Variants in SLC9B2 observed in about 807,000 individuals in gnomAD.
The protein encoded by SLC9B2 is solute carrier family 9 member B2, also known as sodium/hydrogen exchanger 9B2.
Under a neutral mutation model 52.2 loss-of-function variants are expected in SLC9B2, and 39 were observed. The ratio of observed to expected loss-of-function variants is 0.75; its 90% CI spans 0.58 to 0.98. The LOEUF is 0.98. SLC9B2 is among the 50% of genes least tolerant of loss of function. The pLI is 0.00. For missense variants in SLC9B2, 626 were observed against 637.5 expected, an observed-to-expected ratio of 0.98 and a Z score of 0.19; for synonymous variants, 214 against 227.0, an observed-to-expected ratio of 0.94 and a Z score of 0.51.
intron 4 of SLC9B2, among the ~76,000 whole-genome samples, chr4:103,056,131 T>A (rs528587724): frequency 3.0e-4 from 45 of 151,856 alleles, no homozygotes; most frequent in African/African-American, 1.0e-3. Flanking sequence ...TGAAGAAACG[T>A]TAAAGGTATC....
chr4:103,027,691 C>T (rs781737256), intron 11 of SLC9B2, among the ~76,000 whole-genome samples: 1 of 152,058 alleles, frequency 6.6e-6, no homozygotes. Context: ...ACATGAATGA[C>T]CCCTTTCCCT....
chr4:103,050,371 C>A lies in SLC9B2; in HGVS notation c.454G>T (p.Ala152Ser), dbSNP rs114896715. Residue 152 changes from alanine to serine, a missense_variant, in exon 5 of 12, where the codon GCA becomes TCA. Physicochemically the swap from Ala to Ser is moderately conservative, Grantham distance 99. Transcript: ENST00000394785. ...GGGATATTTCTGATGAGAAACCCTG[C>A]AAGCAGCATGCCTTGAACGAAGAAA... ...PLPSLLGMLL[A>S]GFLIRNIPVI... 1.3e-6 allele frequency: 2 copies of A among 1,594,300 alleles called. No individual in the cohort carries two copies. The highest frequency in any genetic ancestry group is 4.5e-5 in the East Asian group (2 of 44,062).
chr4:103,046,830 G>A (rs937125840), intron 7 of SLC9B2, among the ~76,000 whole-genome samples: 2 of 151,960 alleles, frequency 1.3e-5, no homozygotes, highest in South Asian at 2.1e-4. Context: ...CGCCCCTGCC[G>A]TACTGCACCT....
intron 9 of SLC9B2, among the ~76,000 whole-genome samples, chr4:103,035,245 T>C (rs1022625057): frequency 1.3e-5 from 2 of 152,204 alleles, no homozygotes; most frequent in Admixed American, 1.3e-4. Flanking sequence ...TTTGGTTTTC[T>C]GTTTCTGTGT....
At chr4:103,060,006 C>G (rs559681942) in intron 3 of SLC9B2, among the ~76,000 whole-genome samples, 104 of 152,176 alleles carry the variant, frequency 6.8e-4, no homozygotes, top group Non-Finnish European at 1.1e-3. Context: ...AGCCTGATTT[C>G]AGCTTTTTAA....
intron 9 of SLC9B2, among the ~76,000 whole-genome samples, chr4:103,037,863 C>CTTTT (rs58606567): frequency 7.1e-6 from 1 of 141,710 alleles, no homozygotes; most frequent in Non-Finnish European, 1.6e-5. Context: ...AAAGGTAAGA[C>CTTTT]TTTTTTTTTT....
At chr4:103,046,420 C>G (rs1195842628) in intron 7 of SLC9B2, among the ~76,000 whole-genome samples, 1 of 152,066 alleles carries the variant, frequency 6.6e-6, no homozygotes, top group Non-Finnish European at 1.5e-5. Flanking sequence ...AGGTGTTGAA[C>G]AACAGTGGGA....
rs1742508051 is a variant in SLC9B2 at position 103,029,435 on chromosome 4, G to C, written c.1256-552C>G. On this transcript the variant is annotated intron_variant, in intron 10 of 11. Transcript: ENST00000394785. Reference sequence around the variant, plus strand: ...ACAGGGTATAAGACCAGAAGTGATAGCTAAAATATTTATGAGCCAGTATGG... The same window carrying C: ...ACAGGGTATAAGACCAGAAGTGATACCTAAAATATTTATGAGCCAGTATGG... Among the ~76,000 whole-genome samples the C allele has an allele frequency of 2.0e-5, 3 of 152,214 alleles. No individual in the cohort carries two copies. In the South Asian group the frequency reaches 6.2e-4, roughly 32 times the overall value.
chr4:103,026,894 G>GGTTTT (rs931579392), intron 11 of SLC9B2, among the ~76,000 whole-genome samples: 4 of 152,010 alleles, frequency 2.6e-5, no homozygotes, highest in Admixed American at 6.6e-5. Flanking sequence ...GTGTATTGCA[G>GGTTTT]GTTTTGTTTT....
intron 1 of SLC9B2, among the ~76,000 whole-genome samples, chr4:103,075,788 A>G (rs1747073931): frequency 6.6e-6 from 1 of 152,232 alleles, no homozygotes; most frequent in South Asian, 2.1e-4. Flanking sequence ...GTAGAAGGCC[A>G]ACAGCTGAAC....
chr4:103,048,674 T>C (rs1334302316), intron 6 of SLC9B2: 13 of 476,134 alleles, frequency 2.7e-5, no homozygotes, highest in Non-Finnish European at 4.7e-5. Flanking sequence ...AGACCACGAC[T>C]TCTTCAACAG....
In SLC9B2 at chr4:103,046,736, T is replaced by TCTCCACACATCTTTTGTGTGAAGC. The variant is rs1744167065; in HGVS notation, c.889+291_889+314dup. The stretch of plus-strand genomic sequence containing the variant: ...GTCTCCACACATCTTTTGTGTGAAG[T>TCTCCACACATCTTTTGTGTGAAGC]CTCCACACATCTTTTGTGTGAAGCC... On this transcript the variant is annotated intron_variant, in intron 7 of 11. Coordinates refer to ENST00000394785, the MANE Select transcript of SLC9B2 (RefSeq NM_178833.7). Among the ~76,000 whole-genome samples the TCTCCACACATCTTTTGTGTGAAGC allele has an allele frequency of 1.1e-4, 16 of 147,298 alleles. No individual in the cohort carries two copies. The East Asian group carries it at 3.1e-3, about 28-fold the overall frequency.
chr4:103,073,414 CAACACTGATCTAATGGTCATTTCCCAA>C (rs779139395), intron 1 of SLC9B2, among the ~76,000 whole-genome samples: 4 of 152,144 alleles, frequency 2.6e-5, no homozygotes, highest in Non-Finnish European at 5.9e-5. Context: ...ATTTGCTTAT[CAACACTGATCTAATGGTCATTTCCCAA>C]AAGGAGCCCT....
intron 3 of SLC9B2, among the ~76,000 whole-genome samples, chr4:103,060,043 ATCT>A (rs767745645): frequency 4.2e-4 from 64 of 151,890 alleles, no homozygotes; most frequent in Non-Finnish European, 8.5e-4. Flanking sequence ...TGTTTTCAAC[ATCT>A]TCTCTTTTTC....
At chr4:103,072,440 C>T (rs60269573) in intron 1 of SLC9B2, among the ~76,000 whole-genome samples, 3,532 of 152,250 alleles carry the variant, frequency 0.023, 134 homozygotes, top group African/African-American at 0.076. Context: ...ACTAAGGTGG[C>T]GCTGCAGGAG....
intron 3 of SLC9B2, among the ~76,000 whole-genome samples, chr4:103,061,976 A>G (rs1162878768): frequency 1.3e-5 from 2 of 152,212 alleles, no homozygotes; most frequent in Non-Finnish European, 1.5e-5. Flanking sequence ...AGGGACTTCC[A>G]GTATTTTCCA....
At chr4:103,045,257 CT>C (rs1477710256) in intron 7 of SLC9B2, among the ~76,000 whole-genome samples, 5 of 152,190 alleles carry the variant, frequency 3.3e-5, no homozygotes, top group Non-Finnish European at 7.3e-5. Flanking sequence ...ACATAAAGCA[CT>C]TCTTCACAGA....
Position 103,031,699 on chromosome 4 carries a change from C to A in SLC9B2, c.1255+1G>T. ...ACAAAAGCACATTTTGAAATTCTTA[C>A]CTACAGTTTCTGGTCTGAGAGATGC... On this transcript the variant is annotated splice_donor_variant, in intron 10 of 11. Coordinates refer to ENST00000394785, the MANE Select transcript of SLC9B2 (RefSeq NM_178833.7). LOFTEE classifies it high-confidence loss of function. 6.2e-7 allele frequency: 1 copy of A among 1,608,096 alleles called. No individual in the cohort carries two copies. The highest frequency in any genetic ancestry group is 8.5e-7 in the Non-Finnish European group (1 of 1,176,842).
chr4:103,019,295 A>C (rs113667549), downstream of SLC9B2, among the ~76,000 whole-genome samples: 490 of 152,320 alleles, frequency 3.2e-3, 5 homozygotes, highest in Middle Eastern at 0.017. Flanking sequence ...ATTAATTTTG[A>C]GGTCAATCTT....
Sources: gnomAD v4.1 joint callset for allele counts (sites outside exome capture counted in the v4.1 genomes callset) on GRCh38, gnomAD v4.1.1 for gene constraint, MANE v1.5 for transcripts, NCBI Gene and HGNC (gene_info 2026-07-23, HGNC 2026-07-21) for gene names.